ANKRD55: variants seen among roughly 807,000 people sequenced by gnomAD.
ANKRD55 encodes the protein ankyrin repeat domain-containing protein 55.
ANKRD55 carries 41 observed loss-of-function variants against 60.6 expected under a neutral mutation model. The ratio of observed to expected loss-of-function variants is 0.68; its 90% CI spans 0.53 to 0.88. The LOEUF is 0.88. ANKRD55 is among the 40% of genes least tolerant of loss of function. ANKRD55 has a pLI of 0.00. For missense variants in ANKRD55, 732 were observed against 767.6 expected, an observed-to-expected ratio of 0.95 and a Z score of 0.55; for synonymous variants, 264 against 290.3, an observed-to-expected ratio of 0.91 and a Z score of 0.92.
At chr5:56,136,908 G>A (rs996739510) in intron 7 of ANKRD55, 2 of 403,452 alleles carry the variant, frequency 5.0e-6, no homozygotes, top group African/African-American at 4.1e-5. Flanking sequence ...ATGAGACAGA[G>A]TGAATTCTAA....
intron 5 of ANKRD55, among the ~76,000 whole-genome samples, chr5:56,166,217 C>CTG (rs1554040819): frequency 7.3e-6 from 1 of 137,746 alleles, no homozygotes; most frequent in Non-Finnish European, 1.6e-5. Flanking sequence ...CTCTCTCTCT[C>CTG]TTTCTTTCTT....
At chr5:56,149,950 T>A (rs1758000832) in intron 6 of ANKRD55, among the ~76,000 whole-genome samples, 1 of 151,760 alleles carries the variant, frequency 6.6e-6, no homozygotes, top group Non-Finnish European at 1.5e-5. Context: ...CAAGAGATTC[T>A]CCTGCCTCAG....
chr5:56,120,821 C>A (rs966788322), intron 8 of ANKRD55, among the ~76,000 whole-genome samples: 12 of 151,518 alleles, frequency 7.9e-5, no homozygotes, highest in Admixed American at 3.3e-4. Context: ...ATTGCTTGAA[C>A]CTGGGAGGCA....
intron 2 of ANKRD55, among the ~76,000 whole-genome samples, chr5:56,200,718 C>A (rs1260555668): frequency 6.6e-6 from 1 of 152,080 alleles, no homozygotes; most frequent in Non-Finnish European, 1.5e-5. Flanking sequence ...AAGCTGTGAC[C>A]CTTTTGCAAA....
At chr5:56,137,145 T>G (rs1757626504) in intron 7 of ANKRD55, 4 of 1,378,608 alleles carry the variant, frequency 2.9e-6, no homozygotes, top group Non-Finnish European at 4.1e-6. Flanking sequence ...ACAGAAACAG[T>G]GTGTACCATT....
intron 5 of ANKRD55, among the ~76,000 whole-genome samples, chr5:56,168,145 T>C (rs1053320171): frequency 5.3e-5 from 8 of 152,176 alleles, no homozygotes; most frequent in African/African-American, 1.9e-4. Flanking sequence ...TCCTTATTGA[T>C]GGAATATGAG....
At chr5:56,170,875 G>A (rs943029402) in intron 4 of ANKRD55, 72 bp from the exon 5 acceptor site, 1 of 1,395,698 alleles carries the variant, frequency 7.2e-7, no homozygotes, top group Non-Finnish European at 1.0e-6. Context: ...ACTTTCTCTA[G>A]ATTTTTTTCC....
chr5:56,177,303 C>T (rs1021113576), intron 3 of ANKRD55, among the ~76,000 whole-genome samples: 1 of 152,108 alleles, frequency 6.6e-6, no homozygotes, highest in Admixed American at 6.5e-5. Flanking sequence ...TGGGAAAAAG[C>T]AGCAATGAAG....
rs1554040812 is a variant in ANKRD55 at position 56,166,158 on chromosome 5, T to TTTCTTTCTTCCTTCCTTCC, written c.422+4535_422+4536insGGAAGGAAGGAAGAAAGAA. 3.8e-3 allele frequency among the ~76,000 whole-genome samples: 272 copies of TTTCTTTCTTCCTTCCTTCC among 72,442 alleles called. 11 individuals carry two copies. Among genetic ancestry groups the TTTCTTTCTTCCTTCCTTCC allele is most frequent in the Middle Eastern group, 0.017 (3 of 174 alleles). 47.5% of individuals were successfully genotyped at this position (72,442 alleles called of 152,430 possible). Reference sequence around the variant, plus strand: ...TCTTTCTTTCTTTCTTTCTTTCTTCTTTCCTTCCTTCCTTCCTTCCTTCCT... The same window carrying TTTCTTTCTTCCTTCCTTCC: ...TCTTTCTTTCTTTCTTTCTTTCTTCTTTCTTTCTTCCTTCCTTCCTTCCTTCCTTCCTTCCTTCCTTCCT... On this transcript the variant is annotated intron_variant, in intron 5 of 11. Coordinates refer to ENST00000341048, the MANE Select transcript of ANKRD55 (RefSeq NM_024669.3).
chr5:56,199,422 A>G (rs1759306739), intron 2 of ANKRD55, among the ~76,000 whole-genome samples: 1 of 152,144 alleles, frequency 6.6e-6, no homozygotes, highest in African/African-American at 2.4e-5. Context: ...ATTTAAGGTA[A>G]TGGTGTTATG....
intron 4 of ANKRD55, among the ~76,000 whole-genome samples, chr5:56,173,716 G>A (rs1437793387): frequency 6.6e-6 from 1 of 151,104 alleles, no homozygotes; most frequent in Non-Finnish European, 1.5e-5. Context: ...GACTAATTTT[G>A]TATTTTTAGT....
intron 7 of ANKRD55, among the ~76,000 whole-genome samples, chr5:56,130,515 T>C (rs1269400880): frequency 6.6e-6 from 1 of 152,182 alleles, no homozygotes. Flanking sequence ...CTTCCCCCCA[T>C]ACTTCACCAT....
intron 6 of ANKRD55, among the ~76,000 whole-genome samples, chr5:56,157,843 C>T (rs1758233666): frequency 6.6e-6 from 1 of 152,110 alleles, no homozygotes; most frequent in Non-Finnish European, 1.5e-5. Context: ...TTATGCTGAG[C>T]GCCAGTCCCG....
intron 2 of ANKRD55, among the ~76,000 whole-genome samples, chr5:56,218,999 A>G (rs764327952): frequency 6.6e-6 from 1 of 152,182 alleles, no homozygotes. Flanking sequence ...TAGGCCAGGC[A>G]CAGTGACTCA....
intron 4 of ANKRD55, among the ~76,000 whole-genome samples, chr5:56,173,752 C>T (rs1036360837): frequency 5.9e-5 from 9 of 151,656 alleles, no homozygotes; most frequent in African/African-American, 2.2e-4. Context: ...CCATGTTGGT[C>T]AGGCTGGTCT....
chr5:56,100,137 T>C lies in ANKRD55; in HGVS notation c.*46A>G, dbSNP rs149168728. On this transcript the variant is annotated 3_prime_UTR_variant, in exon 12 of 12. Coordinates refer to ENST00000341048, the MANE Select transcript of ANKRD55 (RefSeq NM_024669.3). Reference sequence around the variant, plus strand: ...CTGGAGTAATCTTGTCCTTTGAGAGTTGAAAATACATATTCATCTACATTT... The same window carrying C: ...CTGGAGTAATCTTGTCCTTTGAGAGCTGAAAATACATATTCATCTACATTT... The C allele has an allele frequency of 4.8e-4, 774 of 1,612,544 alleles. 7 individuals carry two copies. In the African/African-American group the frequency reaches 9.2e-3, roughly 19 times the overall value.
At chr5:56,154,222 A>G (rs1028018920) in intron 6 of ANKRD55, among the ~76,000 whole-genome samples, 6 of 151,396 alleles carry the variant, frequency 4.0e-5, no homozygotes, top group African/African-American at 1.5e-4. Context: ...AAAAAAAAAA[A>G]AAAGTTGCAG....
rs770990470 is a variant in ANKRD55, at chr5:56,143,890, G to T, written c.523C>A (p.Pro175Thr). The change falls in exon 7 of 12, where the codon CCT (proline) becomes ACT (threonine). Residue 175 changes from proline (P) to threonine (T), a missense_variant. By Grantham distance (38) the Pro-to-Thr change is conservative (BLOSUM62 -1). This residue lies in a region of ANKRD55 where 597 missense variants were observed against 607.5 expected (regional missense o/e 0.98). Transcript: ENST00000341048. The part of the protein sequence containing the change: ...PLHWAAFHNQ[P>T]QHTQMLLKKG... ...TTCAGCAGCATTTGTGTGTGTTGAG[G>T]CTGGTTGTGGAAAGCCGCCCAGTGG... 6.4e-5 allele frequency: 103 copies of T among 1,614,020 alleles called. No individual in the cohort carries two copies. Among genetic ancestry groups the T allele is most frequent in the Non-Finnish European group, 8.6e-5 (101 of 1,180,034 alleles).
At chr5:56,129,621 A>G (rs569269896) in intron 7 of ANKRD55, among the ~76,000 whole-genome samples, 7 of 152,320 alleles carry the variant, frequency 4.6e-5, no homozygotes, top group African/African-American at 1.7e-4. Flanking sequence ...TAAGATCTCA[A>G]TATCCTAACT....
Sources: allele counts gnomAD v4.1 joint callset (sites outside exome capture counted in the v4.1 genomes callset), GRCh38; gene constraint gnomAD v4.1.1; regional missense constraint gnomAD v4.1.1; transcripts MANE v1.5; gene names NCBI Gene and HGNC (gene_info 2026-07-23, HGNC 2026-07-21).